ERBB4: variants seen among roughly 807,000 people sequenced by gnomAD.
ERBB4 encodes the protein receptor tyrosine-protein kinase erbB-4.
In ERBB4, 42 loss-of-function variants were observed where a neutral mutation model predicts 158.0. The ratio of observed to expected loss-of-function variants is 0.27; its 90% CI spans 0.21 to 0.34. ERBB4 has a LOEUF of 0.34. Ranked by LOEUF, ERBB4 falls within the 10% of genes least tolerant of loss-of-function variation. The probability of loss-of-function intolerance (pLI) is 1.00; values close to 1 mark genes in which losing one functional copy is unlikely to be tolerated. For synonymous variants in ERBB4, 583 were observed against 558.7 expected (o/e 1.04, Z -0.61); for missense variants, 1,333 against 1,624.1 (o/e 0.82, Z 3.08).
At chr2:211,694,315 G>A (rs532064584) in intron 12 of ERBB4, among the ~76,000 whole-genome samples, 1 of 152,060 alleles carries the variant, frequency 6.6e-6, no homozygotes, top group Non-Finnish European at 1.5e-5. Context: ...AGGCAAGTCA[G>A]GTTAAAATAT....
chr2:212,293,860 A>AAC (rs1553612457), intron 1 of ERBB4, among the ~76,000 whole-genome samples: 4 of 74,050 alleles, frequency 5.4e-5, no homozygotes, highest in Admixed American at 1.2e-4. Context: ...AAAAAAAAAC[A>AAC]AAAAAAAAAA....
intron 1 of ERBB4, among the ~76,000 whole-genome samples, chr2:212,462,329 G>A (rs1586045): frequency 0.17 from 25,452 of 152,126 alleles, 2,433 homozygotes; most frequent in African/African-American, 0.24. Flanking sequence ...CTGGCAGAAC[G>A]GGAGAGAATA....
intron 1 of ERBB4, among the ~76,000 whole-genome samples, chr2:212,495,003 A>T (rs560374705): frequency 6.6e-6 from 1 of 152,286 alleles, no homozygotes; most frequent in South Asian, 2.1e-4. Flanking sequence ...ACTTATAAAA[A>T]TTAGTTTCCT....
intron 2 of ERBB4, among the ~76,000 whole-genome samples, chr2:212,114,018 A>G (rs1003968767): frequency 1.3e-5 from 2 of 152,166 alleles, no homozygotes; most frequent in East Asian, 1.9e-4. Context: ...TTACTTATTT[A>G]TTTCACAAGT....
intron 2 of ERBB4, among the ~76,000 whole-genome samples, chr2:212,020,415 C>T (rs1289602824): frequency 1.3e-5 from 2 of 151,992 alleles, no homozygotes; most frequent in Non-Finnish European, 2.9e-5. Flanking sequence ...TTTACTGAAT[C>T]CTAGGTCACC....
At chr2:212,195,702 A>G (rs556771722) in intron 1 of ERBB4, among the ~76,000 whole-genome samples, 165 of 152,188 alleles carry the variant, frequency 1.1e-3, no homozygotes, top group Middle Eastern at 6.8e-3. Context: ...CAACAAAAAC[A>G]TGGCTTACCA....
At chr2:212,141,756 T>C (rs184453539) in intron 1 of ERBB4, among the ~76,000 whole-genome samples, 142 of 152,238 alleles carry the variant, frequency 9.3e-4, no homozygotes, top group East Asian at 9.7e-4. Flanking sequence ...TTGCTATCTC[T>C]ATTTCAAGCC....
chr2:212,454,643 C>T (rs1034475931), intron 1 of ERBB4, among the ~76,000 whole-genome samples: 3 of 152,172 alleles, frequency 2.0e-5, no homozygotes, highest in Non-Finnish European at 4.4e-5. Context: ...CTTCATTAAT[C>T]AAAATTTTCA....
chr2:212,313,354 C>T (rs1007305688), intron 1 of ERBB4, among the ~76,000 whole-genome samples: 1 of 150,652 alleles, frequency 6.6e-6, no homozygotes, highest in Middle Eastern at 3.2e-3. Flanking sequence ...TTTATTCTGC[C>T]TACATGGGCT....
intron 1 of ERBB4, among the ~76,000 whole-genome samples, chr2:212,499,349 A>G: frequency 6.6e-6 from 1 of 152,098 alleles, no homozygotes; most frequent in Non-Finnish European, 1.5e-5. Context: ...TTCTTGTTTC[A>G]TAGTGGTTAG....
chr2:211,826,604 A>G (rs2077105130), intron 3 of ERBB4, among the ~76,000 whole-genome samples: 1 of 151,910 alleles, frequency 6.6e-6, no homozygotes, highest in African/African-American at 2.4e-5. Flanking sequence ...GACCTAGAAC[A>G]GTGTCTGGTA....
chr2:211,881,716 C>T (rs1374667112), intron 3 of ERBB4, among the ~76,000 whole-genome samples: 1 of 152,108 alleles, frequency 6.6e-6, no homozygotes, highest in Non-Finnish European at 1.5e-5. Flanking sequence ...AAACCTCTTG[C>T]ATTTCACCAC....
chr2:212,396,826 C>A (rs893866463), intron 1 of ERBB4, among the ~76,000 whole-genome samples: 2 of 152,004 alleles, frequency 1.3e-5, no homozygotes, highest in African/African-American at 4.8e-5. Context: ...ACTCCTCAAT[C>A]CACAGAGGAA....
chr2:211,657,826 C>T lies in ERBB4; in HGVS notation c.1874G>A (p.Cys625Tyr), dbSNP rs894409474. ...HPCHPNCTQG[C>Y]NGPTSHDCIY... ...GCAGTCATGACTAGTGGGACCGTTA[C>T]ACCTGCAGGCAATTACAGAACAGAA... The change falls in exon 16 of 28, where the codon TGT (cysteine) becomes TAT (tyrosine). Residue 625 changes from cysteine to tyrosine, a missense_variant and splice_region_variant. Cys to Tyr is a radical substitution (Grantham distance 194, BLOSUM62 -2). Coordinates refer to ENST00000342788, the MANE Select transcript of ERBB4 (RefSeq NM_005235.3). The T allele has an allele frequency of 1.2e-6, 2 of 1,613,714 alleles. No individual in the cohort carries two copies. Among genetic ancestry groups the T allele is most frequent in the Non-Finnish European group, 1.7e-6 (2 of 1,179,662 alleles).
intron 19 of ERBB4, among the ~76,000 whole-genome samples, chr2:211,572,828 G>A (rs2067769719): frequency 6.6e-6 from 1 of 152,152 alleles, no homozygotes; most frequent in Non-Finnish European, 1.5e-5. Flanking sequence ...CAAGGCACTT[G>A]ACAACAGTTA....
intron 1 of ERBB4, among the ~76,000 whole-genome samples, chr2:212,537,106 G>GT (rs1247464413): frequency 1.3e-5 from 2 of 151,132 alleles, no homozygotes; most frequent in Non-Finnish European, 2.9e-5. Context: ...CTCGATAATT[G>GT]TAACTTGTTA....
At chr2:211,970,287 G>A (rs1412391581) in intron 2 of ERBB4, among the ~76,000 whole-genome samples, 1 of 152,130 alleles carries the variant, frequency 6.6e-6, no homozygotes, top group Non-Finnish European at 1.5e-5. Context: ...ATTTACTGAG[G>A]AGTGTTTTAC....
In ERBB4 at chr2:212,163,251, C is replaced by T. The variant is rs558489312; in HGVS notation, c.83-38348G>A. The stretch of plus-strand genomic sequence containing the variant: ...TACTTTCTAATCTTTCATGTTATTT[C>T]CTTCTTAGGTTTCCCATCACCCAAA... On this transcript the variant is annotated intron_variant, in intron 1 of 27. Coordinates refer to ENST00000342788, the MANE Select transcript of ERBB4 (RefSeq NM_005235.3). 2.6e-5 allele frequency among the ~76,000 whole-genome samples: 4 copies of T among 152,012 alleles called. No homozygotes were observed. The South Asian group carries it at 8.3e-4, about 32-fold the overall frequency.
chr2:211,663,867 CTCTT>C (rs774590365), intron 15 of ERBB4, among the ~76,000 whole-genome samples: 25 of 152,102 alleles, frequency 1.6e-4, no homozygotes, highest in Non-Finnish European at 3.5e-4. Flanking sequence ...CTGTTGCTGA[CTCTT>C]TCTTCTGCTC....
Sources: gnomAD v4.1 joint callset for allele counts (sites outside exome capture counted in the v4.1 genomes callset) on GRCh38, gnomAD v4.1.1 for gene constraint, MANE v1.5 for transcripts, NCBI Gene and HGNC (gene_info 2026-07-23, HGNC 2026-07-21) for gene names.